NAA20: variants seen among roughly 807,000 people sequenced by gnomAD.
NAA20 encodes the protein N-alpha-acetyltransferase 20.
NAA20 carries 24 observed loss-of-function variants against 23.8 expected under a neutral mutation model. The ratio of observed to expected loss-of-function variants is 1.01; its 90% CI spans 0.73 to 1.42. The LOEUF (loss-of-function observed/expected upper bound fraction) is 1.42. NAA20 is among the 40% of genes most tolerant of loss of function. The pLI is 0.00. For synonymous variants in NAA20, 83 were observed against 77.7 expected, an observed-to-expected ratio of 1.07 and a Z score of -0.36; for missense variants, 166 against 223.1, an observed-to-expected ratio of 0.74 and a Z score of 1.63.
intron 4 of NAA20, among the ~76,000 whole-genome samples, chr20:20,030,646 T>C (rs77677237): frequency 0.075 from 11,445 of 151,998 alleles, 549 homozygotes; most frequent in Middle Eastern, 0.16. Flanking sequence ...TATAAATATT[T>C]AGAATTAATA....
chr20:20,033,070 G>C (rs1474061795), intron 5 of NAA20, 32 bp from the exon 6 acceptor site: 8 of 1,472,776 alleles, frequency 5.4e-6, no homozygotes, highest in East Asian at 4.5e-5. Context: ...TACATTTTTT[G>C]GGTGTTTATA....
chr20:20,017,487 G>C (rs750641133), intron 1 of NAA20, 38 bp downstream of exon 1: 6 of 1,569,274 alleles, frequency 3.8e-6, no homozygotes, highest in Non-Finnish European at 5.2e-6. Context: ...GCTCTTGGCC[G>C]GGCCTCGCTT....
At chr20:20,017,325 A>C, upstream of NAA20, 5 of 1,593,384 alleles carry the variant, frequency 3.1e-6, no homozygotes, top group South Asian at 2.3e-5. Context: ...CGCGGCGGCC[A>C]CGCTCCGGGA....
Position 20,022,494 on chromosome 20 carries a change from CAAA to C in NAA20, c.78+24_78+26del, listed in dbSNP as rs371762351. On this transcript the variant is annotated intron_variant, in intron 2 of 5. Transcript: ENST00000334982. ...CTTACAGAAACTGTATCCTTTTTTA[CAAA>C]AAAAAAAAAGTTGAATGAAGATTTA... 13 of 1,187,250 alleles carry C rather than the reference CAAA, an allele frequency of 1.1e-5. No individual in the cohort carries two copies. The highest frequency in any genetic ancestry group is 8.7e-5 in the Admixed American group (3 of 34,436). The allele number at this position is 1,187,250 out of a possible 1,614,324, so 73.5% of individuals were successfully genotyped here.
rs145633089 is a variant in NAA20, at chr20:20,030,896, G to T, written c.306-1612G>T. ...GTAAAATTTAGAAAAAGATGCCATA[G>T]CATGAAAAAACATTAAGTACTTAAG... On this transcript the variant is annotated intron_variant, in intron 4 of 5. Coordinates refer to ENST00000334982, the MANE Select transcript of NAA20 (RefSeq NM_016100.5). Among the ~76,000 whole-genome samples the T allele has an allele frequency of 3.4e-3, 518 of 152,070 alleles. 2 individuals are homozygous for T. Among genetic ancestry groups the T allele is most frequent in the African/African-American group, 0.011 (474 of 41,496 alleles).
chr20:20,022,541 GA>G, intron 2 of NAA20, 61 bp downstream of exon 2: 2 of 1,414,634 alleles, frequency 1.4e-6, no homozygotes, highest in Non-Finnish European at 1.9e-6. Flanking sequence ...AAAGAAAACA[GA>G]AATGAAAGGA....
At chr20:20,027,547 A>G (rs1300403842) in intron 4 of NAA20, among the ~76,000 whole-genome samples, 12 of 152,120 alleles carry the variant, frequency 7.9e-5, no homozygotes, top group Admixed American at 7.9e-4. Flanking sequence ...CCAGAAACTC[A>G]GCTTCATAGA....
chr20:20,021,533 G>A (rs901212277), intron 1 of NAA20, among the ~76,000 whole-genome samples: 11 of 152,184 alleles, frequency 7.2e-5, no homozygotes, highest in Non-Finnish European at 1.5e-4. Flanking sequence ...GTGTTAACGT[G>A]TAATTGATTT....
In NAA20 at chr20:20,026,902, AGAG is replaced by A. The variant is rs766048361; in HGVS notation, c.292_294del (p.Glu98del). On this transcript the variant is annotated inframe_deletion, in exon 4 of 6. Coordinates refer to ENST00000334982, the MANE Select transcript of NAA20 (RefSeq NM_016100.5). ...TGGCTGCTAAACTTATGGAGTTACT[AGAG>A]GAGATTTCAGAAAGGTGAGATTCAG... 6 of 1,614,224 alleles carry A rather than the reference AGAG, an allele frequency of 3.7e-6. No individual in the cohort carries two copies. Among genetic ancestry groups the A allele is most frequent in the Middle Eastern group, 1.6e-4 (1 of 6,062 alleles).
At chr20:20,023,673 A>G (rs1004573893) in intron 2 of NAA20, among the ~76,000 whole-genome samples, 1 of 152,218 alleles carries the variant, frequency 6.6e-6, no homozygotes, top group Non-Finnish European at 1.5e-5. Context: ...CCGGTAATTT[A>G]TCAAAAGAGG....
At chr20:20,033,052 T>C (rs977458935) in intron 5 of NAA20, 50 bp from the exon 6 acceptor site, 5 of 1,391,156 alleles carry the variant, frequency 3.6e-6, no homozygotes, top group Non-Finnish European at 4.1e-6. Context: ...ACTTTACATT[T>C]GATATAATAC....
rs7263 is a variant in NAA20 at position 20,025,724 on chromosome 20, T to C, written c.126T>C (p.Tyr42=). The C allele has an allele frequency of 0.071, 114,801 of 1,610,282 alleles. 4,599 individuals carry two copies. Among genetic ancestry groups the C allele is most frequent in the East Asian group, 0.14 (6,396 of 44,850 alleles). ...AATACCTCGCCCACTGGCCAGAGTA[T>C]TTCATTGTTGCAGAGGCACCTGGTG... The part of the protein sequence containing the change: ...YLQYLAHWPE[Y]FIVAEAPGGE... The change falls in exon 3 of 6, where the codon TAT becomes TAC. Residue 42 remains tyrosine (Y), a synonymous_variant. Coordinates refer to ENST00000334982, the MANE Select transcript of NAA20 (RefSeq NM_016100.5).
In NAA20 at chr20:20,033,102, A is replaced by G. The variant is rs1283525810; in HGVS notation, c.452A>G (p.Asp151Gly). The G allele has an allele frequency of 1.2e-6, 2 of 1,610,064 alleles. No homozygotes were observed. Among genetic ancestry groups the G allele is most frequent in the Admixed American group, 1.7e-5 (1 of 60,004 alleles). The stretch of plus-strand genomic sequence containing the variant: ...TATATTAAACTTTGCTTCTTTACAG[A>G]TATGAGGAAAGCACTTTCCAGGGAT... ...SNGEPDEDAY[D>G]MRKALSRDTE... Residue 151 changes from aspartate to glycine, a missense_variant and splice_region_variant, in exon 6 of 6, where the codon GAT becomes GGT. Coordinates refer to ENST00000334982, the MANE Select transcript of NAA20 (RefSeq NM_016100.5).
chr20:20,025,936 A>G (rs536349319), intron 3 of NAA20, among the ~76,000 whole-genome samples, 169 bp downstream of exon 3: 1 of 152,304 alleles, frequency 6.6e-6, no homozygotes, highest in African/African-American at 2.4e-5. Context: ...TGCTAGGCCC[A>G]GGCGATAACG....
At chr20:20,019,045 C>CT (rs2043250848) in intron 1 of NAA20, among the ~76,000 whole-genome samples, 1 of 152,202 alleles carries the variant, frequency 6.6e-6, no homozygotes, top group Non-Finnish European at 1.5e-5. Context: ...CTCACCCTCT[C>CT]TTTAAAGTGT....
chr20:20,024,902 T>C (rs1037951138), intron 2 of NAA20, among the ~76,000 whole-genome samples: 14 of 152,218 alleles, frequency 9.2e-5, no homozygotes, highest in Non-Finnish European at 1.8e-4. Context: ...TGATTGATGG[T>C]GTCCTCTGAT....
At chr20:20,020,621 C>T (rs1399234831) in intron 1 of NAA20, among the ~76,000 whole-genome samples, 5 of 152,096 alleles carry the variant, frequency 3.3e-5, no homozygotes, top group African/African-American at 7.2e-5. Context: ...TGGGCATGGG[C>T]GTCTCAAGAT....
chr20:20,026,787 T>C lies in NAA20; in HGVS notation c.173T>C (p.Met58Thr), dbSNP rs1033675989. The C allele has an allele frequency of 1.2e-6, 2 of 1,613,932 alleles. No individual in the cohort carries two copies. Among genetic ancestry groups the C allele is most frequent in the Non-Finnish European group, 1.7e-6 (2 of 1,179,840 alleles). Residue 58 changes from methionine to threonine, a missense_variant, in exon 4 of 6, where the codon ATG (methionine) becomes ACG (threonine). Physicochemically the swap from Met to Thr is moderately conservative, Grantham distance 81 (BLOSUM62 -1). Coordinates refer to ENST00000334982, the MANE Select transcript of NAA20 (RefSeq NM_016100.5). Reference protein sequence around the residue: ...APGGELMGYIMGKAEGSVARE... With the variant: ...APGGELMGYITGKAEGSVARE... ...TGATTTTTGTTGTTGTTGGCAGTTATGGGTAAAGCAGAAGGCTCAGTAGCT... is the reference window on the plus strand; with the variant it reads ...TGATTTTTGTTGTTGTTGGCAGTTACGGGTAAAGCAGAAGGCTCAGTAGCT...
At chr20:20,032,789 TC>T in intron 5 of NAA20, 136 bp downstream of exon 5, 1 of 1,159,346 alleles carries the variant, frequency 8.6e-7, no homozygotes, top group Non-Finnish European at 1.2e-6. Context: ...CCTACCTTTA[TC>T]AACCTATTAG....
Sources: gnomAD v4.1 joint callset for allele counts (sites outside exome capture counted in the v4.1 genomes callset) on GRCh38, gnomAD v4.1.1 for gene constraint, MANE v1.5 for transcripts, NCBI Gene and HGNC (gene_info 2026-07-23, HGNC 2026-07-21) for gene names.